ERO1B: variants seen among roughly 807,000 people sequenced by gnomAD.
ERO1B encodes ERO1-like protein beta.
Under a neutral mutation model 75.3 loss-of-function variants are expected in ERO1B, and 49 were observed. That is an observed-to-expected ratio of 0.65 (90% confidence interval 0.52 to 0.83). ERO1B has a LOEUF of 0.83. ERO1B is among the 40% of genes least tolerant of loss of function. The pLI is 0.00. For missense variants in ERO1B, 512 were observed against 560.1 expected, an observed-to-expected ratio of 0.91 and a Z score of 0.87; for synonymous variants, 191 against 192.9, an observed-to-expected ratio of 0.99 and a Z score of 0.08.
Position 236,253,450 on chromosome 1 carries a change from T to G in ERO1B, c.278A>C (p.Lys93Thr), listed in dbSNP as rs147983087. ...FWAEDGHCSI[K>T]DCHVEPCPES... ...TGGACAGGGCTCCACATGACAGTCT[T>G]TTATTGAACAGTGGCCATCTTCTGC... Residue 93 changes from lysine to threonine, a missense_variant, in exon 3 of 16, where the codon AAA becomes ACA. Physicochemically the swap from Lys to Thr is moderately conservative, Grantham distance 78. Transcript: ENST00000354619. 7.4e-6 allele frequency: 12 copies of G among 1,610,766 alleles called. No homozygotes were observed. Among genetic ancestry groups the G allele is most frequent in the Admixed American group, 6.7e-5 (4 of 59,752 alleles).
chr1:236,234,373 T>G (rs1182851603), intron 8 of ERO1B, among the ~76,000 whole-genome samples: 1 of 152,246 alleles, frequency 6.6e-6, no homozygotes, highest in Non-Finnish European at 1.5e-5. Flanking sequence ...TTTTCTGCTT[T>G]AAAAGTATTA....
chr1:236,253,161 C>T (rs533235121), intron 3 of ERO1B, among the ~76,000 whole-genome samples: 6 of 151,988 alleles, frequency 3.9e-5, no homozygotes, highest in Non-Finnish European at 7.4e-5. Flanking sequence ...TAGAACAGGC[C>T]TCTGATTTTC....
At position 236,216,152 on chromosome 1, in the gene ERO1B, ATTTTCC is replaced by A. The variant is rs890165914; in HGVS notation, c.*2358_*2363del. The A allele has an allele frequency of 6.8e-4, 103 of 152,212 alleles. No homozygotes were observed. Among genetic ancestry groups the A allele is most frequent in the African/African-American group, 2.3e-3 (94 of 41,544 alleles). 9.4% of individuals were successfully genotyped at this position (152,212 alleles called of 1,614,324 possible). A position where few individuals can be genotyped will look rare whatever the true frequency, so the allele number is the denominator to read the frequency against. ...AACTTACGCCATTGAAGGAAGGAATATTTTCCTTTTCTTCATTTTCATTACTTCATC... is the reference window on the plus strand; with the variant it reads ...AACTTACGCCATTGAAGGAAGGAATATTTTCTTCATTTTCATTACTTCATC... On this transcript the variant is annotated 3_prime_UTR_variant, in exon 16 of 16. Coordinates refer to ENST00000354619, the MANE Select transcript of ERO1B (RefSeq NM_019891.4).
rs1553371926 is a variant in ERO1B, at chr1:236,245,306, A to ATGTGTGTATG, written c.432-1812_432-1811insCATACACACA. Among the ~76,000 whole-genome samples the ATGTGTGTATG allele has an allele frequency of 2.0e-3, 43 of 21,766 alleles. 4 individuals carry two copies. The East Asian group carries it at 0.052, about 26-fold the overall frequency. 14.3% of individuals were successfully genotyped at this position (21,766 alleles called of 152,430 possible). A position where few individuals can be genotyped will look rare whatever the true frequency, so the allele number is the denominator to read the frequency against. On this transcript the variant is annotated intron_variant, in intron 5 of 15. Coordinates refer to ENST00000354619, the MANE Select transcript of ERO1B (RefSeq NM_019891.4). ...CACCATGCCCAGTCAAAATATATAT[A>ATGTGTGTATG]TATATATATATATATACACACACGT... is the stretch of plus-strand genomic sequence containing the variant.
rs1664994239 is a variant in ERO1B at position 236,250,577 on chromosome 1, A to ATG, written c.349-611_349-610insCA. On this transcript the variant is annotated intron_variant, in intron 4 of 15. Transcript: ENST00000354619. Reference sequence around the variant, plus strand: ...TCTTGGGAAGTAAATTTGACCATATATATATATATATATATATATATATAT... The same window carrying ATG: ...TCTTGGGAAGTAAATTTGACCATATATGTATATATATATATATATATATATAT... Among the ~76,000 whole-genome samples the ATG allele has an allele frequency of 1.2e-4, 3 of 25,186 alleles. No homozygotes were observed. In the Admixed American group the frequency reaches 1.2e-3, roughly 10 times the overall value. 16.5% of individuals were successfully genotyped at this position (25,186 alleles called of 152,430 possible).
chr1:236,226,499 GGGCTTAC>G lies in ERO1B; in HGVS notation c.815_821del (p.Gly272AlafsTer35). On this transcript the variant is annotated frameshift_variant, in exon 12 of 16. Transcript: ENST00000354619. LOFTEE classifies it high-confidence loss of function. ...ATTCTTTAATATTAGGTCCCCAACT[GGGCTTAC>G]CCCAGGTTTCTAAAGAGAAAGAGAA... 1 of 1,612,364 alleles carries G rather than the reference GGGCTTAC, an allele frequency of 6.2e-7. No individual in the cohort carries two copies. The highest frequency in any genetic ancestry group is 8.5e-7 in the Non-Finnish European group (1 of 1,179,644).
At chr1:236,274,817 T>C (rs1393579432) in intron 1 of ERO1B, among the ~76,000 whole-genome samples, 2 of 151,284 alleles carry the variant, frequency 1.3e-5, no homozygotes, top group African/African-American at 4.9e-5. Context: ...GGGTGCAAAA[T>C]GAATGAACAA....
intron 15 of ERO1B, among the ~76,000 whole-genome samples, chr1:236,219,464 GA>G (rs1664079858): frequency 6.6e-6 from 1 of 152,118 alleles, no homozygotes; most frequent in Non-Finnish European, 1.5e-5. Context: ...CAATTGTTTT[GA>G]AATTCTCAAT....
At chr1:236,230,402 A>G (rs1357063361) in intron 9 of ERO1B, 152 bp from the exon 10 acceptor site, 6 of 584,664 alleles carry the variant, frequency 1.0e-5, no homozygotes, top group Non-Finnish European at 1.8e-5. Context: ...ACTTGAGGCC[A>G]GGAGTTTAAG....
Position 236,222,321 on chromosome 1 carries a change from C to A in ERO1B, c.1123-311G>T, listed in dbSNP as rs528746209. ...AGAGACGGGGTTTCGCCATGTTGTC[C>A]AGGCTGGTCTTGAACTCCTGGCCTC... On this transcript the variant is annotated intron_variant, in intron 13 of 15. Transcript: ENST00000354619. Among the ~76,000 whole-genome samples the A allele has an allele frequency of 5.3e-5, 8 of 152,286 alleles. No homozygotes were observed. In the East Asian group the frequency reaches 1.5e-3, roughly 29 times the overall value.
intron 1 of ERO1B, among the ~76,000 whole-genome samples, chr1:236,270,968 T>C (rs1400259379): frequency 6.6e-6 from 1 of 152,166 alleles, no homozygotes; most frequent in Non-Finnish European, 1.5e-5. Flanking sequence ...ACTGTGATGG[T>C]GAACACATGA....
At position 236,235,776 on chromosome 1, in the gene ERO1B, A is replaced by T. The variant is rs114675288; in HGVS notation, c.673+13T>A. On this transcript the variant is annotated intron_variant, in intron 8 of 15. Transcript: ENST00000354619. ...CAATGAAAAGCATGAAAATGTACAT[A>T]TGAAAAACCTACCTCGGCTAGGCGC... is the stretch of plus-strand genomic sequence containing the variant. 33 of 1,604,874 alleles carry T rather than the reference A, an allele frequency of 2.1e-5. No individual in the cohort carries two copies. In the Admixed American group the frequency reaches 5.5e-4, roughly 27 times the overall value.
chr1:236,264,689 TA>T (rs1252537462), intron 2 of ERO1B, among the ~76,000 whole-genome samples: 1 of 151,492 alleles, frequency 6.6e-6, no homozygotes. Flanking sequence ...ACTATAAATA[TA>T]AAAATTAGCC....
chr1:236,254,814 T>C (rs550035225), intron 2 of ERO1B, among the ~76,000 whole-genome samples: 4 of 152,090 alleles, frequency 2.6e-5, no homozygotes, highest in Non-Finnish European at 4.4e-5. Flanking sequence ...GGTTTCACCA[T>C]GTTGGCCAGG....
chr1:236,243,234 A>C (rs576037875), intron 6 of ERO1B, among the ~76,000 whole-genome samples, 188 bp downstream of exon 6: 3 of 152,332 alleles, frequency 2.0e-5, no homozygotes, highest in Middle Eastern at 3.4e-3. Flanking sequence ...GACCAGAAAT[A>C]ATGTATTTAA....
rs1664546538 is a variant in ERO1B at position 236,236,333 on chromosome 1, T to C, written c.571A>G (p.Lys191Glu). 2 of 1,614,002 alleles carry C rather than the reference T, an allele frequency of 1.2e-6. No homozygotes were observed. The highest frequency in any genetic ancestry group is 1.7e-5 in the Admixed American group (1 of 59,994). The change falls in exon 7 of 16, where the codon AAA becomes GAA. Residue 191 changes from lysine to glutamate, a missense_variant. By Grantham distance (56) the Lys-to-Glu change is moderately conservative (BLOSUM62 1). Coordinates refer to ENST00000354619, the MANE Select transcript of ERO1B (RefSeq NM_019891.4). ...LLNPERYTGYKGTSAWRVWNS... is the reference protein window; with the variant it reads ...LLNPERYTGYEGTSAWRVWNS... ...CACACTCTCCATGCAGAGGTCCCTT[T>C]ATAGCCAGTGTAACGCTCTGGGTTC...
intron 6 of ERO1B, among the ~76,000 whole-genome samples, chr1:236,239,735 T>C (rs1664635717): frequency 6.6e-6 from 1 of 150,446 alleles, no homozygotes; most frequent in South Asian, 2.1e-4. Flanking sequence ...AGCTTCATAA[T>C]TCCTTATTCT....
intron 10 of ERO1B, among the ~76,000 whole-genome samples, chr1:236,228,381 C>T (rs1664326159): frequency 6.6e-6 from 1 of 152,152 alleles, no homozygotes; most frequent in South Asian, 2.1e-4. Flanking sequence ...ACACACTTAG[C>T]AGGAAATTGC....
At chr1:236,249,178 A>C (rs186446093) in intron 5 of ERO1B, among the ~76,000 whole-genome samples, 1 of 152,168 alleles carries the variant, frequency 6.6e-6, no homozygotes, top group East Asian at 1.9e-4. Flanking sequence ...GGCACCCGCC[A>C]CCACACCCGG....
Sources: gnomAD v4.1 joint callset for allele counts (sites outside exome capture counted in the v4.1 genomes callset) on GRCh38, gnomAD v4.1.1 for gene constraint, MANE v1.5 for transcripts, NCBI Gene and HGNC (gene_info 2026-07-23, HGNC 2026-07-21) for gene names.